Variants in GPC5 observed in about 807,000 individuals in gnomAD.
The protein encoded by GPC5 is glypican-5.
GPC5 carries 47 observed loss-of-function variants against 53.9 expected under a neutral mutation model. That is an observed-to-expected ratio of 0.87 (90% CI 0.69 to 1.11). The LOEUF (loss-of-function observed/expected upper bound fraction) is 1.11, where lower values mean the gene tolerates loss of function less well. GPC5 is among the 50% of genes most tolerant of loss of function. GPC5 has a pLI of 0.00. For synonymous variants in GPC5, 286 were observed against 263.3 expected, an observed-to-expected ratio of 1.09 and a Z score of -0.84; for missense variants, 748 against 713.1, an observed-to-expected ratio of 1.05 and a Z score of -0.56.
At chr13:92,036,019 C>T (rs2040890339) in intron 6 of GPC5, among the ~76,000 whole-genome samples, 1 of 152,132 alleles carries the variant, frequency 6.6e-6, no homozygotes, top group Non-Finnish European at 1.5e-5. Context: ...AAACTGGCCC[C>T]CGGGGTTGTT....
intron 2 of GPC5, among the ~76,000 whole-genome samples, chr13:91,545,713 C>T (rs2030245666): frequency 1.3e-5 from 2 of 152,166 alleles, no homozygotes; most frequent in Admixed American, 1.3e-4. Context: ...TCCTCCTCCA[C>T]CTAGCCCCTA....
At chr13:92,267,440 G>C (rs1298888946) in intron 7 of GPC5, among the ~76,000 whole-genome samples, 1 of 151,898 alleles carries the variant, frequency 6.6e-6, no homozygotes, top group East Asian at 1.9e-4. Context: ...TCTGTTCTTT[G>C]TATTTCTTTT....
intron 5 of GPC5, among the ~76,000 whole-genome samples, chr13:91,794,535 T>G (rs1178604782): frequency 6.6e-6 from 1 of 152,220 alleles, no homozygotes; most frequent in Non-Finnish European, 1.5e-5. Flanking sequence ...CTGATTTTCT[T>G]AAAGATATTA....
At chr13:92,853,027 C>T (rs1435873768) in intron 7 of GPC5, among the ~76,000 whole-genome samples, 3 of 152,104 alleles carry the variant, frequency 2.0e-5, no homozygotes, top group Admixed American at 2.0e-4. Context: ...AGAGTTTCGA[C>T]CAGCTTTTCA....
chr13:92,202,519 A>G (rs2042302646), intron 7 of GPC5, among the ~76,000 whole-genome samples: 1 of 152,198 alleles, frequency 6.6e-6, no homozygotes, highest in African/African-American at 2.4e-5. Flanking sequence ...TTTAGACCAA[A>G]CGTTGTAACT....
At chr13:92,125,175 A>C (rs1310458355) in intron 6 of GPC5, among the ~76,000 whole-genome samples, 1 of 152,196 alleles carries the variant, frequency 6.6e-6, no homozygotes, top group Non-Finnish European at 1.5e-5. Context: ...ACCTGGCTTA[A>C]AACTAAAGCC....
chr13:91,579,375 T>A (rs2032261959), intron 2 of GPC5, among the ~76,000 whole-genome samples: 1 of 152,200 alleles, frequency 6.6e-6, no homozygotes, highest in Non-Finnish European at 1.5e-5. Context: ...TTTACCCATG[T>A]GTGTAACTAT....
At chr13:92,392,905 T>A (rs1875078104) in intron 7 of GPC5, among the ~76,000 whole-genome samples, 1 of 152,036 alleles carries the variant, frequency 6.6e-6, no homozygotes, top group African/African-American at 2.4e-5. Flanking sequence ...AATAACAGAA[T>A]ATTTTGAGCT....
chr13:91,748,422 C>A (rs1038560100), intron 4 of GPC5, among the ~76,000 whole-genome samples: 1 of 152,136 alleles, frequency 6.6e-6, no homozygotes, highest in Non-Finnish European at 1.5e-5. Context: ...TCCCAAGCCA[C>A]CTGTGCACTT....
rs1398064952 is a variant in GPC5, at chr13:92,365,993, TATAATGC to T, written c.1561+221006_1561+221012del. 9.9e-5 allele frequency among the ~76,000 whole-genome samples: 15 copies of T among 151,730 alleles called. No homozygotes were observed. In the East Asian group the frequency reaches 2.9e-3, roughly 29 times the overall value. On this transcript the variant is annotated intron_variant, in intron 7 of 7. Transcript: ENST00000377067. ...AACATAGTCACTTATCATTATCAAG[TATAATGC>T]ACTGCACATCATTGTATGTGCTATA...
At chr13:92,599,313 G>A (rs892241862) in intron 7 of GPC5, among the ~76,000 whole-genome samples, 1 of 152,180 alleles carries the variant, frequency 6.6e-6, no homozygotes. Context: ...TGCAGGAAGG[G>A]ATGCCTATGC....
intron 5 of GPC5, among the ~76,000 whole-genome samples, chr13:91,776,292 T>A (rs1273108142): frequency 6.6e-6 from 1 of 152,174 alleles, no homozygotes; most frequent in African/African-American, 2.4e-5. Flanking sequence ...TTTCAAGGGT[T>A]CTTTAGAGAC....
chr13:91,601,983 C>G (rs2033195011), intron 2 of GPC5, among the ~76,000 whole-genome samples: 1 of 152,164 alleles, frequency 6.6e-6, no homozygotes, highest in African/African-American at 2.4e-5. Flanking sequence ...AGTCTTCAAG[C>G]TCTCTTCACT....
chr13:91,577,548 T>C (rs2032183959), intron 2 of GPC5, among the ~76,000 whole-genome samples: 1 of 152,206 alleles, frequency 6.6e-6, no homozygotes, highest in Admixed American at 6.5e-5. Context: ...TCCTATGCAG[T>C]TGGCTCCTCA....
intron 6 of GPC5, among the ~76,000 whole-genome samples, chr13:92,056,137 T>G (rs1209288951): frequency 6.6e-6 from 1 of 152,162 alleles, no homozygotes; most frequent in Non-Finnish European, 1.5e-5. Flanking sequence ...GAAATGGATC[T>G]TATGGGGCTA....
At chr13:91,787,422 A>G (rs1294656864) in intron 5 of GPC5, among the ~76,000 whole-genome samples, 2 of 152,144 alleles carry the variant, frequency 1.3e-5, no homozygotes, top group Non-Finnish European at 2.9e-5. Flanking sequence ...TCTCTATCTG[A>G]GGTGATCATA....
chr13:92,082,076 T>C (rs1469123070), intron 6 of GPC5, among the ~76,000 whole-genome samples: 1 of 152,224 alleles, frequency 6.6e-6, no homozygotes, highest in Non-Finnish European at 1.5e-5. Context: ...CTAGTAGCTA[T>C]GTTAAAATGA....
At chr13:92,684,434 C>T (rs1887198304) in intron 7 of GPC5, among the ~76,000 whole-genome samples, 1 of 151,910 alleles carries the variant, frequency 6.6e-6, no homozygotes, top group African/African-American at 2.4e-5. Context: ...CCATGCCCAG[C>T]TAATTTTTGT....
chr13:91,567,984 C>T (rs886720565), intron 2 of GPC5, among the ~76,000 whole-genome samples: 26 of 152,074 alleles, frequency 1.7e-4, no homozygotes, highest in Admixed American at 9.2e-4. Flanking sequence ...TGAGTTCTCA[C>T]GAGATCTGAT....
Sources: gnomAD v4.1 joint callset for allele counts (sites outside exome capture counted in the v4.1 genomes callset) on GRCh38, gnomAD v4.1.1 for gene constraint, MANE v1.5 for transcripts, NCBI Gene and HGNC (gene_info 2026-07-23, HGNC 2026-07-21) for gene names.